SMCO4: variants seen among roughly 807,000 people sequenced by gnomAD.
SMCO4 encodes the protein single-pass membrane protein with coiled-coil domains 4, also known as single-pass membrane and coiled-coil domain-containing protein 4.
SMCO4 carries 4 observed loss-of-function variants against 3.6 expected under a neutral mutation model. That is an observed-to-expected ratio of 1.11 (90% CI 0.54 to 2.53). SMCO4 has a LOEUF of 2.53. Ranked by LOEUF, SMCO4 falls within the 30% of genes most tolerant of loss-of-function variation. The pLI is 0.02. For synonymous variants in SMCO4, 36 were observed against 35.3 expected (o/e 1.02, Z -0.07); for missense variants, 70 against 80.8 (o/e 0.87, Z 0.51).
chr11:93,514,377 T>TAC (rs1272105698), intron 1 of SMCO4, among the ~76,000 whole-genome samples: 1 of 5,458 alleles, frequency 1.8e-4, no homozygotes. Flanking sequence ...GATGAGGCTA[T>TAC]ATATATATAT....
chr11:93,479,384 T>A, intron 2 of SMCO4, 115 bp from the exon 3 acceptor site: 1 of 1,045,484 alleles, frequency 9.6e-7, no homozygotes, highest in Non-Finnish European at 1.3e-6. Flanking sequence ...GACAAAGGGC[T>A]AAGAACAGAG....
At chr11:93,535,372 T>C in intron 1 of SMCO4, 1 of 741,476 alleles carries the variant, frequency 1.3e-6, no homozygotes, top group Non-Finnish European at 2.2e-6. Context: ...CCACCACTCT[T>C]AACATCTACG....
upstream of SMCO4, chr11:93,543,636 G>A (rs1949292738): frequency 6.6e-6 from 1 of 152,308 alleles, no homozygotes; most frequent in South Asian, 2.1e-4. Context: ...CTCCCGCGCA[G>A]CGGGTGCTTA....
At position 93,488,958 on chromosome 11, in the gene SMCO4, G is replaced by A. The variant is rs76341864; in HGVS notation, c.-80-9689C>T. 7.7e-3 allele frequency among the ~76,000 whole-genome samples: 1,177 copies of A among 152,266 alleles called. 14 individuals carry two copies. Among genetic ancestry groups the A allele is most frequent in the African/African-American group, 0.027 (1,130 of 41,546 alleles). The stretch of plus-strand genomic sequence containing the variant: ...AAGAAGGTGTCCTGAGGAAGGGGGA[G>A]CTGGCCATCTGGTCTGGCCACATGC... On this transcript the variant is annotated intron_variant, in intron 2 of 2. Transcript: ENST00000298966.
chr11:93,495,088 T>C (rs1948759253), intron 2 of SMCO4, among the ~76,000 whole-genome samples: 1 of 151,958 alleles, frequency 6.6e-6, no homozygotes, highest in Non-Finnish European at 1.5e-5. Flanking sequence ...CTCCCAAGCA[T>C]TCCTTCTGCT....
intron 2 of SMCO4, among the ~76,000 whole-genome samples, chr11:93,482,385 C>T (rs529778643): frequency 1.3e-5 from 2 of 152,282 alleles, no homozygotes; most frequent in East Asian, 3.9e-4. Context: ...TCTTAGACAT[C>T]GTCATGGAAA....
intron 2 of SMCO4, among the ~76,000 whole-genome samples, chr11:93,495,433 G>A (rs192437161): frequency 3.7e-4 from 57 of 152,098 alleles, no homozygotes; most frequent in African/African-American, 1.4e-3. Flanking sequence ...TGTGTGCACG[G>A]CAGCACACGC....
rs149101793 is a variant in SMCO4, at chr11:93,534,849, T to G, written c.-154+8427A>C. 4.6e-5 allele frequency among the ~76,000 whole-genome samples: 7 copies of G among 152,296 alleles called. No homozygotes were observed. The South Asian group carries it at 1.2e-3, about 27-fold the overall frequency. On this transcript the variant is annotated intron_variant, in intron 1 of 2. Coordinates refer to ENST00000298966, the MANE Select transcript of SMCO4 (RefSeq NM_020179.3). ...AGACGCCTTCTCTGCCAGCCCATTG[T>G]GTCACACCCCTCAAACACCTTCTAA...
chr11:93,499,835 C>T (rs1411731411), intron 1 of SMCO4, among the ~76,000 whole-genome samples: 1 of 152,146 alleles, frequency 6.6e-6, no homozygotes, highest in Admixed American at 6.5e-5. Flanking sequence ...GAGAAAGTGA[C>T]CCAGGCATCC....
intron 1 of SMCO4, among the ~76,000 whole-genome samples, chr11:93,515,950 G>A (rs1229598703): frequency 6.6e-6 from 1 of 152,066 alleles, no homozygotes; most frequent in Admixed American, 6.5e-5. Context: ...CCTGGCAAGG[G>A]GTCCAAATGC....
chr11:93,508,231 G>A (rs909104597), intron 1 of SMCO4, among the ~76,000 whole-genome samples: 1 of 152,076 alleles, frequency 6.6e-6, no homozygotes, highest in African/African-American at 2.4e-5. Context: ...AAGGGAGGGG[G>A]ACACCACTGG....
Position 93,478,532 on chromosome 11 carries a change from C to T in SMCO4, c.*478G>A, listed in dbSNP as rs1948546096. ...TATTTCACTTTGATTCAACATATTT[C>T]AAATCACATTAAGCACAGAGAAGAA... On this transcript the variant is annotated 3_prime_UTR_variant, in exon 3 of 3. Coordinates refer to ENST00000298966, the MANE Select transcript of SMCO4 (RefSeq NM_020179.3). The T allele has an allele frequency of 6.5e-6, 1 of 153,050 alleles. No individual in the cohort carries two copies. The highest frequency in any genetic ancestry group is 2.1e-4 in the South Asian group (1 of 4,844). 9.5% of individuals were successfully genotyped at this position (153,050 alleles called of 1,614,324 possible).
intron 1 of SMCO4, among the ~76,000 whole-genome samples, chr11:93,532,427 A>C (rs1408935308): frequency 4.6e-5 from 7 of 152,200 alleles, no homozygotes; most frequent in African/African-American, 1.4e-4. Flanking sequence ...TTCAACCTCA[A>C]ACTGAGACTT....
chr11:93,529,777 G>T (rs1394355617), intron 1 of SMCO4, among the ~76,000 whole-genome samples: 1 of 152,238 alleles, frequency 6.6e-6, no homozygotes, highest in African/African-American at 2.4e-5. Flanking sequence ...AGACCAGCAG[G>T]CCAGGCCCGC....
intron 1 of SMCO4, among the ~76,000 whole-genome samples, chr11:93,536,358 A>G (rs1949224992): frequency 6.6e-6 from 1 of 152,244 alleles, no homozygotes; most frequent in African/African-American, 2.4e-5. Context: ...GTATGAATGA[A>G]GATATAATAG....
At chr11:93,503,101 T>C (rs956291307) in intron 1 of SMCO4, among the ~76,000 whole-genome samples, 2 of 152,182 alleles carry the variant, frequency 1.3e-5, no homozygotes, top group Non-Finnish European at 2.9e-5. Context: ...GAAGGCTGAA[T>C]AATGGCCCCA....
intron 1 of SMCO4, among the ~76,000 whole-genome samples, chr11:93,519,845 T>C (rs189809680): frequency 6.6e-6 from 1 of 152,318 alleles, no homozygotes; most frequent in East Asian, 1.9e-4. Flanking sequence ...CCCTTACTTG[T>C]AATATCCCCT....
intron 1 of SMCO4, among the ~76,000 whole-genome samples, chr11:93,520,386 C>G (rs1033386061): frequency 2.0e-5 from 3 of 152,142 alleles, no homozygotes; most frequent in Non-Finnish European, 4.4e-5. Flanking sequence ...CCCGTTTAAT[C>G]CTCTCAACAA....
intron 1 of SMCO4, among the ~76,000 whole-genome samples, chr11:93,528,976 CT>C (rs1408584959): frequency 6.6e-6 from 1 of 152,120 alleles, no homozygotes; most frequent in Admixed American, 6.5e-5. Context: ...AAAGCCACCC[CT>C]GGGCATAGGA....
Sources: allele counts gnomAD v4.1 joint callset (sites outside exome capture counted in the v4.1 genomes callset), GRCh38; gene constraint gnomAD v4.1.1; transcripts MANE v1.5; gene names NCBI Gene and HGNC (gene_info 2026-07-23, HGNC 2026-07-21).